The following BMPR2 variants were observed in gnomAD, a reference collection of about 807,000 sequenced individuals.
The protein encoded by BMPR2 is bone morphogenetic protein receptor type 2.
In BMPR2, 29 loss-of-function variants were observed where a neutral mutation model predicts 100.8. The observed-to-expected ratio is 0.29, with a 90% CI of 0.21 to 0.39. The LOEUF is 0.39. Among genes scored for constraint, BMPR2 ranks in the 10% least tolerant of loss-of-function variants. The probability of loss-of-function intolerance (pLI) is 1.00; values close to 1 mark genes in which losing one functional copy is unlikely to be tolerated. For synonymous variants in BMPR2, 382 were observed against 442.3 expected (o/e 0.86, Z 1.71); for missense variants, 1,011 against 1,274.5 (o/e 0.79, Z 3.15).
chr2:202,488,002 A>G (rs1176828601), intron 3 of BMPR2, among the ~76,000 whole-genome samples: 1 of 152,184 alleles, frequency 6.6e-6, no homozygotes, highest in Non-Finnish European at 1.5e-5. Context: ...GAGCCTCCGC[A>G]TGCCACTGCG....
chr2:202,436,763 C>T (rs898053583), intron 1 of BMPR2, among the ~76,000 whole-genome samples: 1 of 150,434 alleles, frequency 6.6e-6, no homozygotes, highest in Non-Finnish European at 1.5e-5. Flanking sequence ...ATGATGTATT[C>T]TTTTCATACA....
intron 3 of BMPR2, among the ~76,000 whole-genome samples, chr2:202,487,259 TA>T (rs1266587634): frequency 6.6e-6 from 1 of 152,192 alleles, no homozygotes; most frequent in African/African-American, 2.4e-5. Context: ...TAGTCTGTTT[TA>T]TAATAGTCAT....
chr2:202,381,163 C>T (rs1292085631), intron 1 of BMPR2, among the ~76,000 whole-genome samples: 28 of 151,530 alleles, frequency 1.8e-4, no homozygotes, highest in African/African-American at 5.6e-4. Flanking sequence ...TTAGTAGAGA[C>T]GTGGTTTTAC....
chr2:202,548,453 A>AC (rs1357189593), intron 10 of BMPR2, among the ~76,000 whole-genome samples: 4 of 151,890 alleles, frequency 2.6e-5, no homozygotes, highest in Non-Finnish European at 5.9e-5. Flanking sequence ...ACATAGTGAG[A>AC]CCCCATCTCA....
rs992916410 is a variant in BMPR2 at position 202,503,977 on chromosome 2, A to G, written c.419-9742A>G. On this transcript the variant is annotated intron_variant, in intron 3 of 12. Coordinates refer to ENST00000374580, the MANE Select transcript of BMPR2 (RefSeq NM_001204.7). This position sits in a 1 kb window ranked among gnomAD's most constrained non-coding sequence, Gnocchi z 4.0. The stretch of plus-strand genomic sequence containing the variant: ...GCTCAGGGTTTGTGAATGCACCAGT[A>G]GACACTCTGTATCTAGCTACTCTGG... Among the ~76,000 whole-genome samples, 4 of 152,150 alleles carry G rather than the reference A, an allele frequency of 2.6e-5. No homozygotes were observed. Among genetic ancestry groups the G allele is most frequent in the African/African-American group, 9.7e-5 (4 of 41,422 alleles).
chr2:202,401,426 G>T lies in BMPR2; in HGVS notation c.76+23876G>T, dbSNP rs540813734. ...CTTTGCTGAAGCATTTCAAGGCAAA[G>T]GTATTAAAATAAAAATAGATAAAAG... On this transcript the variant is annotated intron_variant, in intron 1 of 12. Transcript: ENST00000374580. Among the ~76,000 whole-genome samples the T allele has an allele frequency of 2.0e-5, 3 of 152,178 alleles. No individual in the cohort carries two copies. In the South Asian group the frequency reaches 6.2e-4, roughly 32 times the overall value.
chr2:202,416,488 C>T (rs1344202425), intron 1 of BMPR2, among the ~76,000 whole-genome samples: 2 of 147,000 alleles, frequency 1.4e-5, no homozygotes, highest in East Asian at 2.0e-4. Context: ...TGCAGTGGTG[C>T]GATCTCGGCT....
chr2:202,399,126 CAA>C (rs1047883072), intron 1 of BMPR2, among the ~76,000 whole-genome samples: 8 of 148,866 alleles, frequency 5.4e-5, no homozygotes, highest in African/African-American at 2.0e-4. Context: ...GAAACTGTCT[CAA>C]GAGAAAAAAA....
At chr2:202,484,732 C>T (rs1314668441) in intron 3 of BMPR2, among the ~76,000 whole-genome samples, 1 of 150,694 alleles carries the variant, frequency 6.6e-6, no homozygotes, top group African/African-American at 2.4e-5. Flanking sequence ...TTTGGGAGGC[C>T]GAGGCAGGTG....
At chr2:202,409,147 C>T (rs1380485477) in intron 1 of BMPR2, among the ~76,000 whole-genome samples, 1 of 152,174 alleles carries the variant, frequency 6.6e-6, no homozygotes, top group African/African-American at 2.4e-5. Flanking sequence ...GAGTTTGAGA[C>T]CAGCCTGGGC....
chr2:202,416,529 G>T (rs1310512004), intron 1 of BMPR2, among the ~76,000 whole-genome samples: 1 of 151,190 alleles, frequency 6.6e-6, no homozygotes, highest in Non-Finnish European at 1.5e-5. Context: ...GGGTTCAAGC[G>T]ATTCTCCTGC....
intron 12 of BMPR2, among the ~76,000 whole-genome samples, chr2:202,557,370 A>G (rs1446821454): frequency 6.6e-6 from 1 of 151,976 alleles, no homozygotes; most frequent in African/African-American, 2.4e-5. Context: ...AGGCTGAGGC[A>G]GAGAATTGCT....
intron 1 of BMPR2, among the ~76,000 whole-genome samples, chr2:202,419,897 C>A (rs969599580): frequency 2.0e-5 from 3 of 152,066 alleles, no homozygotes; most frequent in African/African-American, 7.2e-5. Flanking sequence ...GCCTGTAATA[C>A]GCGCACTTTG....
chr2:202,513,905 C>A, intron 4 of BMPR2, 76 bp downstream of exon 4: 1 of 1,176,656 alleles, frequency 8.5e-7, no homozygotes, highest in Non-Finnish European at 1.3e-6. Flanking sequence ...TTTTAAATTC[C>A]GTATGTTAAA....
intron 3 of BMPR2, among the ~76,000 whole-genome samples, chr2:202,482,316 C>A (rs1692676069): frequency 6.6e-6 from 1 of 152,194 alleles, no homozygotes; most frequent in Non-Finnish European, 1.5e-5. Context: ...ACCCTGCTTT[C>A]AATTCTTTTG....
chr2:202,436,013 T>C (rs1335857050), intron 1 of BMPR2, among the ~76,000 whole-genome samples: 1 of 150,722 alleles, frequency 6.6e-6, no homozygotes, highest in East Asian at 1.9e-4. Flanking sequence ...TCCATGAAAT[T>C]TTTATTTTAG....
chr2:202,414,388 G>A (rs1285447195), intron 1 of BMPR2, among the ~76,000 whole-genome samples: 2 of 152,114 alleles, frequency 1.3e-5, no homozygotes, highest in African/African-American at 4.8e-5. Context: ...ATTGAATTTA[G>A]GCCAATTAAT....
chr2:202,476,285 C>A (rs1692550446), intron 3 of BMPR2, among the ~76,000 whole-genome samples: 1 of 152,028 alleles, frequency 6.6e-6, no homozygotes, highest in Non-Finnish European at 1.5e-5. Context: ...CCTGCCTTAA[C>A]TGTGTCTCAT....
chr2:202,457,118 TTATC>T (rs1428270021), intron 1 of BMPR2, among the ~76,000 whole-genome samples: 1 of 151,962 alleles, frequency 6.6e-6, no homozygotes, highest in Non-Finnish European at 1.5e-5. Context: ...AACAGATTTA[TTATC>T]TATCTACCTA....
Sources: gnomAD v4.1 joint callset for allele counts (sites outside exome capture counted in the v4.1 genomes callset) on GRCh38, gnomAD v4.1.1 for gene constraint, Gnocchi (gnomAD v3.1) non-coding constraint, MANE v1.5 for transcripts, NCBI Gene and HGNC (gene_info 2026-07-23, HGNC 2026-07-21) for gene names.